MYO1F: variants seen among roughly 807,000 people sequenced by gnomAD.
The protein encoded by MYO1F is unconventional myosin-If.
A neutral mutation model predicts 146.6 loss-of-function variants in MYO1F; 60 were observed. The ratio of observed to expected loss-of-function variants is 0.41; its 90% CI spans 0.33 to 0.51. The LOEUF is 0.51. MYO1F is among the 20% of genes least tolerant of loss of function. MYO1F has a pLI of 0.25. For missense variants in MYO1F, 1,274 were observed against 1,534.3 expected, an observed-to-expected ratio of 0.83 and a Z score of 2.83; for synonymous variants, 602 against 602.1, an observed-to-expected ratio of 1.00 and a Z score of 0.00.
rs370321661 is a variant in MYO1F, at chr19:8,555,817, C to T, written c.4-21G>A. ...CTGCCCTGGGGGGTGAGAGGGGGGT[C>T]GGGGTGAGCCCTTGCACGGGGATGC... On this transcript the variant is annotated intron_variant, in intron 1 of 27. Coordinates refer to ENST00000644032, the MANE Select transcript of MYO1F (RefSeq NM_012335.4). 5.5e-5 allele frequency: 89 copies of T among 1,603,802 alleles called. 1 individual carries two copies. In the South Asian group the frequency reaches 5.6e-4, roughly 10 times the overall value.
Position 8,530,426 on chromosome 19 carries a change from C to A in MYO1F, c.2158+33G>T. 1 of 1,613,670 alleles carries A rather than the reference C, an allele frequency of 6.2e-7. No homozygotes were observed. Among genetic ancestry groups the A allele is most frequent in the Non-Finnish European group, 8.5e-7 (1 of 1,179,970 alleles). ...TACAGCTCCTCCAGGTCCTTGTGCCCCCACCCCGCGCCGTTTACCCGAAGC... is the reference window on the plus strand; with the variant it reads ...TACAGCTCCTCCAGGTCCTTGTGCCACCACCCCGCGCCGTTTACCCGAAGC... On this transcript the variant is annotated intron_variant, in intron 20 of 27. Transcript: ENST00000644032. The surrounding 1 kb of genome is among the most constrained non-coding windows in gnomAD (Gnocchi z 5.8).
chr19:8,554,777 G>T, intron 2 of MYO1F, 34 bp from the exon 3 acceptor site: 1 of 1,600,456 alleles, frequency 6.2e-7, no homozygotes, highest in East Asian at 2.2e-5. Flanking sequence ...TGGTGTCCTG[G>T]TAGGTTTTGT....
At position 8,522,761 on chromosome 19, in the gene MYO1F, C is replaced by T. The variant is rs1406960408; in HGVS notation, c.2923G>A (p.Gly975Arg). Residue 975 changes from glycine (G) to arginine (R), a missense_variant, in exon 26 of 28, where the codon GGG becomes AGG. Physicochemically the swap from Gly to Arg is moderately radical, Grantham distance 125 (BLOSUM62 -2). Transcript: ENST00000644032. ...GPLPLEIMSG[G>R]GTHRPPRGPP... The stretch of plus-strand genomic sequence containing the variant: ...CCCCGGGGAGGCCTGTGGGTGCCCC[C>T]TCCAGACATGATCTCCAGGGGCAGG... The T allele has an allele frequency of 6.2e-7, 1 of 1,610,216 alleles. No individual in the cohort carries two copies. Among genetic ancestry groups the T allele is most frequent in the South Asian group, 1.1e-5 (1 of 90,656 alleles).
At chr19:8,574,705 C>G (rs1191956150) in intron 1 of MYO1F, among the ~76,000 whole-genome samples, 1 of 145,126 alleles carries the variant, frequency 6.9e-6, no homozygotes, top group Non-Finnish European at 1.5e-5. Context: ...TTCTCTCTTT[C>G]TTTCTTTTTC....
chr19:8,523,711 G>A (rs1435508282), intron 25 of MYO1F, among the ~76,000 whole-genome samples: 1 of 152,044 alleles, frequency 6.6e-6, no homozygotes, highest in African/African-American at 2.4e-5. Flanking sequence ...ATGGAGTGCA[G>A]CAGTGAGATC....
intron 1 of MYO1F, among the ~76,000 whole-genome samples, chr19:8,559,167 A>T (rs1280415914): frequency 6.6e-6 from 1 of 151,806 alleles, no homozygotes; most frequent in Non-Finnish European, 1.5e-5. Context: ...GGCATGAGCC[A>T]CCGCTCCCAG....
At chr19:8,532,901 A>ATACACACACACAC (rs1555720422) in intron 19 of MYO1F, among the ~76,000 whole-genome samples, 38 of 47,834 alleles carry the variant, frequency 7.9e-4, no homozygotes, top group African/African-American at 3.6e-3. Context: ...AAAAAAAAAA[A>ATACACACACACAC]ATACACACAC....
chr19:8,549,866 T>C, intron 10 of MYO1F: 2 of 511,002 alleles, frequency 3.9e-6, no homozygotes, highest in South Asian at 4.1e-5. Flanking sequence ...AATAGCGCAA[T>C]CATAGCTCAC....
chr19:8,558,970 C>T (rs921946662), intron 1 of MYO1F, among the ~76,000 whole-genome samples: 4 of 152,038 alleles, frequency 2.6e-5, no homozygotes, highest in Non-Finnish European at 4.4e-5. Flanking sequence ...CCTCTGCCTG[C>T]GGGGCTCAAG....
intron 16 of MYO1F, among the ~76,000 whole-genome samples, chr19:8,538,555 T>C (rs1972825796): frequency 6.6e-6 from 1 of 151,806 alleles, no homozygotes; most frequent in South Asian, 2.1e-4. Flanking sequence ...GTGCTGGGAT[T>C]ACAGGTGTGA....
At chr19:8,566,548 C>G (rs1349296632) in intron 1 of MYO1F, among the ~76,000 whole-genome samples, 1 of 144,674 alleles carries the variant, frequency 6.9e-6, no homozygotes, top group African/African-American at 2.5e-5. Flanking sequence ...GAGTGTTGCT[C>G]TTTCGCCCTG....
At chr19:8,523,310 G>A (rs1447321441) in intron 25 of MYO1F, among the ~76,000 whole-genome samples, 1 of 152,072 alleles carries the variant, frequency 6.6e-6, no homozygotes, top group South Asian at 2.1e-4. Flanking sequence ...TGGGATTACA[G>A]GCATGAGCCA....
At chr19:8,558,418 A>C (rs1268903893) in intron 1 of MYO1F, among the ~76,000 whole-genome samples, 1 of 151,826 alleles carries the variant, frequency 6.6e-6, no homozygotes, top group Non-Finnish European at 1.5e-5. Flanking sequence ...CTCCCACCTC[A>C]GCCTCCCAAA....
chr19:8,572,784 C>G (rs931375411), intron 1 of MYO1F, among the ~76,000 whole-genome samples: 2 of 152,168 alleles, frequency 1.3e-5, no homozygotes, highest in Non-Finnish European at 2.9e-5. Context: ...CAGCCTGGAA[C>G]TCCTGGGCTC....
intron 12 of MYO1F, 126 bp downstream of exon 12, chr19:8,547,910 T>C: frequency 1.2e-6 from 1 of 856,754 alleles, no homozygotes; most frequent in Non-Finnish European, 1.9e-6. Flanking sequence ...CTGGGTAGGT[T>C]GGCACAGAGA....
intron 1 of MYO1F, among the ~76,000 whole-genome samples, chr19:8,573,078 G>T (rs539458149): frequency 1.1e-4 from 17 of 152,310 alleles, no homozygotes. Context: ...GGAGGCTGAG[G>T]CGGGCAGATC....
Position 8,525,518 on chromosome 19 carries a change from A to G in MYO1F, c.2815T>C (p.Ser939Pro). 1.2e-6 allele frequency: 2 copies of G among 1,613,446 alleles called. No individual in the cohort carries two copies. Among genetic ancestry groups the G allele is most frequent in the Non-Finnish European group, 1.7e-6 (2 of 1,179,952 alleles). Reference sequence around the variant, plus strand: ...GGGGCCGCCCGGGTAGGGGCTTGGGACGACCTCCGAGGTTTTCCCTTGGCC... The same window carrying G: ...GGGGCCGCCCGGGTAGGGGCTTGGGGCGACCTCCGAGGTTTTCCCTTGGCC... ...GMAKGKPRRS[S>P]QAPTRAAPAP... The change falls in exon 25 of 28, where the codon TCC (serine) becomes CCC (proline). Residue 939 changes from serine to proline, a missense_variant. Transcript: ENST00000644032.
chr19:8,557,765 C>T (rs537008200), intron 1 of MYO1F, among the ~76,000 whole-genome samples: 15 of 152,252 alleles, frequency 9.9e-5, no homozygotes, highest in South Asian at 2.1e-4. Context: ...GGGAAGTGGG[C>T]GCATCCCAGT....
chr19:8,530,376 A>G lies in MYO1F; in HGVS notation c.2159-11T>C. The G allele has an allele frequency of 6.8e-6, 11 of 1,614,078 alleles. No individual in the cohort carries two copies. The highest frequency in any genetic ancestry group is 9.3e-6 in the Non-Finnish European group (11 of 1,180,022). Reference sequence around the variant, plus strand: ...GCAGGATGTTGGAAGCTGCGGGGACAGAGGGTGGAGGGCAGAGCTCCTGAT... The same window carrying G: ...GCAGGATGTTGGAAGCTGCGGGGACGGAGGGTGGAGGGCAGAGCTCCTGAT... On this transcript the variant is annotated splice_polypyrimidine_tract_variant and intron_variant, in intron 20 of 27. Coordinates refer to ENST00000644032, the MANE Select transcript of MYO1F (RefSeq NM_012335.4). The surrounding 1 kb of genome is among the most constrained non-coding windows in gnomAD (Gnocchi z 5.8).
Sources: allele counts gnomAD v4.1 joint callset (sites outside exome capture counted in the v4.1 genomes callset), GRCh38; gene constraint gnomAD v4.1.1; non-coding constraint Gnocchi (gnomAD v3.1); transcripts MANE v1.5; gene names NCBI Gene and HGNC (gene_info 2026-07-23, HGNC 2026-07-21).